Variants in FOCAD observed in about 807,000 individuals in gnomAD.
FOCAD encodes the protein KIAA1797.
FOCAD carries 198 observed loss-of-function variants against 225.6 expected under a neutral mutation model. That is an observed-to-expected ratio of 0.88 (90% CI 0.78 to 0.99). The LOEUF is 0.99. Among genes scored for constraint, FOCAD ranks in the 50% least tolerant of loss-of-function variants. The pLI, the probability that FOCAD is intolerant of heterozygous loss-of-function variation, is 0.00. For synonymous variants in FOCAD, 897 were observed against 755.0 expected, an observed-to-expected ratio of 1.19 and a Z score of -3.08; for missense variants, 2,713 against 2,123.6, an observed-to-expected ratio of 1.28 and a Z score of -5.46.
intron 21 of FOCAD, among the ~76,000 whole-genome samples, chr9:20,891,654 A>G (rs1244585320): frequency 6.6e-6 from 1 of 152,198 alleles, no homozygotes; most frequent in Non-Finnish European, 1.5e-5. Flanking sequence ...AAACTGCAGA[A>G]GAAAAGTTTG....
intron 8 of FOCAD, among the ~76,000 whole-genome samples, 169 bp downstream of exon 8, chr9:20,770,407 A>C (rs1028031825): frequency 8.5e-5 from 13 of 152,170 alleles, no homozygotes; most frequent in Non-Finnish European, 1.6e-4. Context: ...GAAACTTACA[A>C]TCATGGTGGA....
rs1829248940 is a variant in FOCAD at position 20,758,322 on chromosome 9, A to G, written c.494+131A>G. 16 of 525,786 alleles carry G rather than the reference A, an allele frequency of 3.0e-5. No homozygotes were observed. The South Asian group carries it at 4.8e-4, about 16-fold the overall frequency. The allele number at this position is 525,786 out of a possible 1,614,324, so 32.6% of individuals were successfully genotyped here. ...TGATCTATAATGTTTTCTCCTGAAGAACCATCCTAGAGCAGGTTGTAGTTT... is the reference window on the plus strand; with the variant it reads ...TGATCTATAATGTTTTCTCCTGAAGGACCATCCTAGAGCAGGTTGTAGTTT... On this transcript the variant is annotated intron_variant, in intron 6 of 43. Coordinates refer to ENST00000338382, the MANE Select transcript of FOCAD (RefSeq NM_001375567.1).
At chr9:20,807,303 A>G (rs1416366793) in intron 11 of FOCAD, among the ~76,000 whole-genome samples, 1 of 152,252 alleles carries the variant, frequency 6.6e-6, no homozygotes, top group Non-Finnish European at 1.5e-5. Flanking sequence ...AAGTGCATCA[A>G]AAAAGAGACA....
rs62558290 is a variant in FOCAD at position 20,980,547 on chromosome 9, G to C, written c.4378-879G>C. ...CATTTTCTTAAATATAGAATGATCT[G>C]AGATGGCATATTCTTTAAAATGAGG... On this transcript the variant is annotated intron_variant, in intron 37 of 43. Coordinates refer to ENST00000338382, the MANE Select transcript of FOCAD (RefSeq NM_001375567.1). Among the ~76,000 whole-genome samples the C allele has an allele frequency of 2.4e-3, 360 of 152,230 alleles. 3 individuals carry two copies. Among genetic ancestry groups the C allele is most frequent in the Non-Finnish European group, 2.8e-3 (190 of 68,016 alleles).
intron 1 of FOCAD, among the ~76,000 whole-genome samples, chr9:20,705,847 C>T (rs562509784): frequency 6.7e-6 from 1 of 148,748 alleles, no homozygotes; most frequent in Non-Finnish European, 1.5e-5. Flanking sequence ...TTAGCATATA[C>T]ATATCCATAT....
At chr9:20,767,621 T>G (rs1282373869) in intron 7 of FOCAD, among the ~76,000 whole-genome samples, 2 of 149,310 alleles carry the variant, frequency 1.3e-5, no homozygotes, top group Non-Finnish European at 3.0e-5. Context: ...CATAAATGTC[T>G]TCTTTTGAGA....
chr9:20,685,247 G>T (rs1822596833), intron 1 of FOCAD, among the ~76,000 whole-genome samples: 1 of 146,526 alleles, frequency 6.8e-6, no homozygotes, highest in Non-Finnish European at 1.5e-5. Flanking sequence ...AAACCATCGT[G>T]GCTCTGAGGG....
intron 11 of FOCAD, among the ~76,000 whole-genome samples, chr9:20,794,272 G>A (rs116034445): frequency 0.049 from 7,414 of 152,226 alleles, 205 homozygotes; most frequent in Middle Eastern, 0.078. Flanking sequence ...GTTTTGTATT[G>A]TGTATAAAAA....
At chr9:20,982,267 T>C in intron 38 of FOCAD, 90 bp from the exon 39 acceptor site, 1 of 913,620 alleles carries the variant, frequency 1.1e-6, no homozygotes, top group African/African-American at 1.7e-5. Flanking sequence ...CTGCTGTTCA[T>C]GGGGATAAGA....
chr9:20,747,980 C>A (rs1179960367), intron 5 of FOCAD, among the ~76,000 whole-genome samples: 3 of 151,770 alleles, frequency 2.0e-5, no homozygotes, highest in East Asian at 3.9e-4. Context: ...TGTTGCTCAT[C>A]CTCTAACTCT....
intron 5 of FOCAD, among the ~76,000 whole-genome samples, chr9:20,751,154 A>AT (rs71496857): frequency 9.1e-4 from 133 of 145,702 alleles, no homozygotes; most frequent in South Asian, 1.7e-3. Flanking sequence ...CTCCACTTCC[A>AT]TTTTTTTTTT....
intron 2 of FOCAD, among the ~76,000 whole-genome samples, chr9:20,666,179 G>A (rs1305696336): frequency 2.0e-5 from 3 of 152,128 alleles, no homozygotes; most frequent in African/African-American, 4.8e-5. Context: ...TAAAAATTCT[G>A]TAGTACTATC....
In FOCAD at chr9:20,800,676, C is replaced by T. The variant is rs147138456; in HGVS notation, c.1455+11068C>T. Among the ~76,000 whole-genome samples the T allele has an allele frequency of 5.8e-3, 880 of 152,262 alleles. 9 individuals are homozygous for T. Among genetic ancestry groups the T allele is most frequent in the African/African-American group, 0.018 (729 of 41,568 alleles). ...GCTTGTGCATTCGTCAAATAGTTCT[C>T]GTGCCGTGGTTTTCAGCTCCATCAG... is the stretch of plus-strand genomic sequence containing the variant. On this transcript the variant is annotated intron_variant, in intron 11 of 43. Transcript: ENST00000338382.
At chr9:20,860,617 G>A (rs1040173307) in intron 15 of FOCAD, among the ~76,000 whole-genome samples, 1 of 152,056 alleles carries the variant, frequency 6.6e-6, no homozygotes, top group Non-Finnish European at 1.5e-5. Flanking sequence ...TGCAACCTCC[G>A]CCTCCTGGTT....
At position 20,781,752 on chromosome 9, in the gene FOCAD, G is replaced by C; in HGVS notation, c.1020G>C (p.Glu340Asp). 1 of 1,613,842 alleles carries C rather than the reference G, an allele frequency of 6.2e-7. No homozygotes were observed. Among genetic ancestry groups the C allele is most frequent in the East Asian group, 2.2e-5 (1 of 44,874 alleles). The change falls in exon 10 of 44, where the codon GAG (glutamate) becomes GAC (aspartate). Residue 340 changes from glutamate to aspartate, a missense_variant. Physicochemically the swap from Glu to Asp is conservative, Grantham distance 45. Transcript: ENST00000338382. ...CTTTGAAGCTCCTCTCTGTTACTGA[G>C]GATCAGAAAATCCCAAAGTCCTCTC... ...NLALKLLSVTEDQKIPKSSLL... is the reference protein window; with the variant it reads ...NLALKLLSVTDDQKIPKSSLL...
At chr9:20,663,545 C>T (rs901963945) in intron 2 of FOCAD, among the ~76,000 whole-genome samples, 8 of 151,798 alleles carry the variant, frequency 5.3e-5, no homozygotes, top group Non-Finnish European at 1.2e-4. Context: ...ATCTTCCAAT[C>T]TATCATCTAT....
At chr9:20,977,437 A>G (rs1840318141) in intron 36 of FOCAD, among the ~76,000 whole-genome samples, 1 of 152,208 alleles carries the variant, frequency 6.6e-6, no homozygotes, top group Admixed American at 6.5e-5. Context: ...CAACACCTCC[A>G]GTTCATCCAC....
At chr9:20,730,331 C>G (rs1826582648) in intron 4 of FOCAD, among the ~76,000 whole-genome samples, 1 of 152,016 alleles carries the variant, frequency 6.6e-6, no homozygotes, top group Non-Finnish European at 1.5e-5. Flanking sequence ...AGAATCTTCC[C>G]CATATCTACA....
intron 8 of FOCAD, among the ~76,000 whole-genome samples, chr9:20,773,013 C>T (rs1818392296): frequency 6.6e-6 from 1 of 151,206 alleles, no homozygotes. Flanking sequence ...AAATATTATA[C>T]AGAAAGATAT....
Sources: gnomAD v4.1 joint callset for allele counts (sites outside exome capture counted in the v4.1 genomes callset) on GRCh38, gnomAD v4.1.1 for gene constraint, MANE v1.5 for transcripts, NCBI Gene and HGNC (gene_info 2026-07-23, HGNC 2026-07-21) for gene names.